Variants in ZMYND11 observed in about 807,000 individuals in gnomAD.
ZMYND11 encodes zinc finger MYND-type containing 11.
A neutral mutation model predicts 84.9 loss-of-function variants in ZMYND11; 9 were observed. That is an observed-to-expected ratio of 0.11 (90% CI 0.06 to 0.18). The LOEUF (loss-of-function observed/expected upper bound fraction) is 0.18, where lower values mean the gene tolerates loss of function less well. Among genes scored for constraint, ZMYND11 ranks in the 10% least tolerant of loss-of-function variants. ZMYND11 has a pLI of 1.00. For synonymous variants in ZMYND11, 250 were observed against 244.1 expected (o/e 1.02, Z -0.23); for missense variants, 409 against 761.0 (o/e 0.54, Z 5.44).
At chr10:222,155 A>G (rs1050768823) in intron 4 of ZMYND11, among the ~76,000 whole-genome samples, 4 of 152,316 alleles carry the variant, frequency 2.6e-5, no homozygotes, top group African/African-American at 9.6e-5. Flanking sequence ...CGTGATTTCC[A>G]GTTTGTTAAT....
rs527908705 is a variant in ZMYND11, at chr10:233,058, A to G, written c.439-3780A>G. Among the ~76,000 whole-genome samples, 117 of 152,340 alleles carry G rather than the reference A, an allele frequency of 7.7e-4. 1 individual carries two copies. The highest frequency in any genetic ancestry group is 6.8e-3 in the Middle Eastern group (2 of 294). ...CCAGCGTGCGCTTGTCCGTGTTTAC[A>G]TGACGAGGTCTCTTAGGAAGTTGGT... On this transcript the variant is annotated intron_variant, in intron 4 of 14. Coordinates refer to ENST00000381604, the MANE Select transcript of ZMYND11 (RefSeq NM_001370100.5).
chr10:248,051 CAA>C lies in ZMYND11; in HGVS notation c.1228-282_1228-281del, dbSNP rs551720233. Among the ~76,000 whole-genome samples the C allele has an allele frequency of 3.2e-3, 489 of 152,144 alleles. 4 individuals are homozygous for C. Among genetic ancestry groups the C allele is most frequent in the African/African-American group, 0.011 (444 of 41,514 alleles). On this transcript the variant is annotated intron_variant, in intron 12 of 14. Coordinates refer to ENST00000381604, the MANE Select transcript of ZMYND11 (RefSeq NM_001370100.5). ...TTCTGTGTTTAGTTTATTTTAAAAA[CAA>C]AACTTATAGTATTGATAAGTAAAAT... is the stretch of plus-strand genomic sequence containing the variant.
intron 1 of ZMYND11, among the ~76,000 whole-genome samples, chr10:155,095 ATTTG>A (rs1386880603): frequency 1.3e-5 from 2 of 151,984 alleles, no homozygotes; most frequent in East Asian, 1.9e-4. Flanking sequence ...TTTTTATTTT[ATTTG>A]TTTATTTATT....
At chr10:160,458 T>A (rs1842709464) in intron 1 of ZMYND11, among the ~76,000 whole-genome samples, 1 of 152,198 alleles carries the variant, frequency 6.6e-6, no homozygotes. Flanking sequence ...GGTTGGGATG[T>A]CTGTGGCAGT....
intron 2 of ZMYND11, among the ~76,000 whole-genome samples, chr10:188,724 A>G (rs1426606975): frequency 6.6e-6 from 1 of 152,180 alleles, no homozygotes; most frequent in Non-Finnish European, 1.5e-5. Context: ...CTTTAATCCA[A>G]ACAAATTAGT....
chr10:188,959 C>T (rs1266277471), intron 2 of ZMYND11, among the ~76,000 whole-genome samples: 1 of 152,160 alleles, frequency 6.6e-6, no homozygotes, highest in East Asian at 1.9e-4. Context: ...TCCTTCCTGT[C>T]TTGGGCAACT....
intron 4 of ZMYND11, among the ~76,000 whole-genome samples, chr10:233,180 G>A (rs1450910533): frequency 6.6e-6 from 1 of 151,966 alleles, no homozygotes; most frequent in Admixed American, 6.6e-5. Flanking sequence ...CAGAATTTCT[G>A]GGGGCGGCAC....
chr10:137,842 A>C (rs1836481826), intron 1 of ZMYND11, among the ~76,000 whole-genome samples: 1 of 152,226 alleles, frequency 6.6e-6, no homozygotes, highest in South Asian at 2.1e-4. Flanking sequence ...GGATGTGATT[A>C]TGACAGAATC....
At position 248,577 on chromosome 10, in the gene ZMYND11, C is replaced by T; in HGVS notation, c.1469C>T (p.Thr490Ile). The change falls in exon 13 of 15, where the codon ACA becomes ATA. Residue 490 changes from threonine to isoleucine, a missense_variant. Thr to Ile is a moderately conservative substitution (Grantham distance 89, BLOSUM62 -1). Transcript: ENST00000381604. ...ATGAAGTCGGACCACAAGCGGGAGA[C>T]AGAGCGTGTTGTCCGAGAAGCTCTG... The part of the protein sequence containing the change: ...DRMKSDHKRE[T>I]ERVVREALEK... 6.2e-7 allele frequency: 1 copy of T among 1,612,110 alleles called. No individual in the cohort carries two copies. The highest frequency in any genetic ancestry group is 1.1e-5 in the South Asian group (1 of 91,038).
chr10:197,676 A>G (rs1214167809), intron 2 of ZMYND11, among the ~76,000 whole-genome samples: 1 of 152,324 alleles, frequency 6.6e-6, no homozygotes, highest in East Asian at 1.9e-4. Flanking sequence ...CCAGAAAGAA[A>G]TCTTTAGGGT....
chr10:203,101 C>T (rs1347730386), intron 2 of ZMYND11, among the ~76,000 whole-genome samples: 1 of 152,142 alleles, frequency 6.6e-6, no homozygotes, highest in African/African-American at 2.4e-5. Context: ...TACCAATAAG[C>T]ATCCTCAAGA....
intron 1 of ZMYND11, among the ~76,000 whole-genome samples, chr10:160,075 ATCT>A (rs1348373593): frequency 1.3e-5 from 2 of 152,170 alleles, no homozygotes; most frequent in Non-Finnish European, 2.9e-5. Context: ...TTAGCACAAA[ATCT>A]TCTAATATTT....
chr10:157,114 A>T (rs1462325397), intron 1 of ZMYND11, among the ~76,000 whole-genome samples: 2 of 152,222 alleles, frequency 1.3e-5, no homozygotes, highest in Admixed American at 6.5e-5. Flanking sequence ...AATAATTTAG[A>T]TTTAAAATAT....
At chr10:132,296 A>G (rs12245781), upstream of ZMYND11, among the ~76,000 whole-genome samples, 1,641 of 148,566 alleles carry the variant, frequency 0.011, 38 homozygotes, top group African/African-American at 0.037. Flanking sequence ...TAATATATAT[A>G]TTTTATATAT....
chr10:252,227 T>G lies in ZMYND11; in HGVS notation c.1687-121T>G. The G allele has an allele frequency of 8.0e-7, 1 of 1,244,926 alleles. No individual in the cohort carries two copies. The highest frequency in any genetic ancestry group is 1.1e-6 in the Non-Finnish European group (1 of 895,968). The allele number at this position is 1,244,926 out of a possible 1,614,324, so 77.1% of individuals were successfully genotyped here. On this transcript the variant is annotated intron_variant, in intron 14 of 14. Transcript: ENST00000381604. The surrounding 1 kb of genome is among the most constrained non-coding windows in gnomAD (Gnocchi z 4.6). ...TGCTGTGCATAAAACGTATTCAGAT[T>G]CCACAAAAGGTTGAGCCAGAAAGAT...
At chr10:196,279 A>T (rs1297933707) in intron 2 of ZMYND11, among the ~76,000 whole-genome samples, 2 of 152,074 alleles carry the variant, frequency 1.3e-5, no homozygotes, top group African/African-American at 2.4e-5. Flanking sequence ...ACTACGGAAA[A>T]TTTTTTCTGC....
At chr10:130,933 C>T (rs552684133), upstream of ZMYND11, among the ~76,000 whole-genome samples, 2 of 152,170 alleles carry the variant, frequency 1.3e-5, no homozygotes, top group East Asian at 3.9e-4. Context: ...GCGTAAGCAA[C>T]ATGGCGAAAC....
intron 2 of ZMYND11, 64 bp from the exon 3 acceptor site, chr10:209,825 T>C (rs552514540): frequency 6.8e-7 from 1 of 1,466,938 alleles, no homozygotes; most frequent in African/African-American, 1.4e-5. Flanking sequence ...CATTTTCTTA[T>C]TTTCATTCAT....
chr10:242,950 A>G (rs971667455), intron 10 of ZMYND11, among the ~76,000 whole-genome samples: 1 of 152,214 alleles, frequency 6.6e-6, no homozygotes, highest in African/African-American at 2.4e-5. Flanking sequence ...ACATTAAATA[A>G]TGATCCAATA....
Sources: allele counts gnomAD v4.1 joint callset (sites outside exome capture counted in the v4.1 genomes callset), GRCh38; gene constraint gnomAD v4.1.1; non-coding constraint Gnocchi (gnomAD v3.1); transcripts MANE v1.5; gene names NCBI Gene and HGNC (gene_info 2026-07-23, HGNC 2026-07-21).